PCSK5: variants seen among roughly 807,000 people sequenced by gnomAD.
PCSK5 encodes proprotein convertase subtilisin/kexin type 5.
Under a neutral mutation model 233.2 loss-of-function variants are expected in PCSK5, and 129 were observed. The observed-to-expected ratio is 0.55, with a 90% CI of 0.48 to 0.64. PCSK5 has a LOEUF of 0.64. Ranked by LOEUF, PCSK5 falls within the 30% of genes least tolerant of loss-of-function variation. The pLI is 0.00. For synonymous variants in PCSK5, 825 were observed against 879.2 expected, an observed-to-expected ratio of 0.94 and a Z score of 1.09; for missense variants, 2,076 against 2,430.1, an observed-to-expected ratio of 0.85 and a Z score of 3.06.
chr9:76,061,596 A>G (rs1428910414), intron 5 of PCSK5, among the ~76,000 whole-genome samples: 1 of 152,214 alleles, frequency 6.6e-6, no homozygotes, highest in Non-Finnish European at 1.5e-5. Context: ...TAATTGCTAG[A>G]TTTGGGGGAA....
At chr9:76,211,936 T>G (rs886637942) in intron 20 of PCSK5, among the ~76,000 whole-genome samples, 1 of 152,186 alleles carries the variant, frequency 6.6e-6, no homozygotes, top group Non-Finnish European at 1.5e-5. Context: ...CCATGAGCAT[T>G]CACCCCCAGC....
At chr9:75,955,558 A>T (rs990736293) in intron 2 of PCSK5, among the ~76,000 whole-genome samples, 1 of 152,126 alleles carries the variant, frequency 6.6e-6, no homozygotes, top group Admixed American at 6.5e-5. Context: ...AGGAAGAAAA[A>T]TTACCACGAT....
At chr9:76,320,054 G>A (rs1281805017) in intron 30 of PCSK5, among the ~76,000 whole-genome samples, 3 of 152,124 alleles carry the variant, frequency 2.0e-5, no homozygotes, top group South Asian at 2.1e-4. Flanking sequence ...AAATATCGGC[G>A]TGCCCAGCCA....
chr9:76,287,357 G>T, intron 24 of PCSK5: 1 of 208,270 alleles, frequency 4.8e-6, no homozygotes, highest in African/African-American at 2.3e-5. Context: ...GCTTTCCCCA[G>T]CAGGCCAACT....
Position 76,175,080 on chromosome 9 carries a change from T to C in PCSK5, c.1851T>C (p.Tyr617=), listed in dbSNP as rs747863464. 9 of 1,614,098 alleles carry C rather than the reference T, an allele frequency of 5.6e-6. No individual in the cohort carries two copies. Among genetic ancestry groups the C allele is most frequent in the African/African-American group, 5.3e-5 (4 of 74,954 alleles). The change falls in exon 14 of 38, where the codon TAT becomes TAC. Residue 617 remains tyrosine (Y), a synonymous_variant. Transcript: ENST00000674117. ...TTCCGAAAGTGGAACGGTTCCGCTA[T>C]AGCCGAGTTGAAGACCCCACAGACG... ...NEFPKVERFR[Y]SRVEDPTDDY...
intron 26 of PCSK5, among the ~76,000 whole-genome samples, 180 bp from the exon 27 acceptor site, chr9:76,296,485 G>A (rs141423324): frequency 0.057 from 8,693 of 152,242 alleles, 283 homozygotes; most frequent in African/African-American, 0.064. Context: ...GGAGGATGCA[G>A]TGAGCCGAGA....
chr9:76,166,547 T>C (rs1823094524), intron 12 of PCSK5, among the ~76,000 whole-genome samples: 1 of 152,152 alleles, frequency 6.6e-6, no homozygotes, highest in Non-Finnish European at 1.5e-5. Flanking sequence ...TTGGCTGAGG[T>C]TGTGGAAACA....
At chr9:76,205,628 G>A (rs1825085195) in intron 20 of PCSK5, among the ~76,000 whole-genome samples, 1 of 152,182 alleles carries the variant, frequency 6.6e-6, no homozygotes, top group African/African-American at 2.4e-5. Flanking sequence ...GAGAATTCCA[G>A]ATACAGGCAG....
chr9:76,344,798 G>A (rs368447476), intron 35 of PCSK5, among the ~76,000 whole-genome samples: 3 of 152,232 alleles, frequency 2.0e-5, no homozygotes, highest in African/African-American at 7.2e-5. Flanking sequence ...TGTGCAGTGG[G>A]CGGCGCAGTG....
In PCSK5 at chr9:75,913,376, T is replaced by A. The variant is rs117729241; in HGVS notation, c.193-19003T>A. Among the ~76,000 whole-genome samples, 456 of 152,344 alleles carry A rather than the reference T, an allele frequency of 3.0e-3. 1 individual carries two copies. Among genetic ancestry groups the A allele is most frequent in the Non-Finnish European group, 5.4e-3 (364 of 68,024 alleles). ...CATTTGCACTTGAGGTAGGGGATGA[T>A]CTTTACATAGCCACACATATATGAG... On this transcript the variant is annotated intron_variant, in intron 1 of 37. Coordinates refer to ENST00000674117, the MANE Select transcript of PCSK5 (RefSeq NM_001372043.1).
At chr9:76,245,565 T>C (rs1004382576) in intron 24 of PCSK5, among the ~76,000 whole-genome samples, 2 of 151,944 alleles carry the variant, frequency 1.3e-5, no homozygotes, top group Admixed American at 6.6e-5. Flanking sequence ...ATTTGGACAA[T>C]AGCAGGAAAA....
At chr9:76,247,044 G>A (rs1299809940) in intron 24 of PCSK5, among the ~76,000 whole-genome samples, 5 of 152,194 alleles carry the variant, frequency 3.3e-5, no homozygotes, top group Non-Finnish European at 5.9e-5. Context: ...GAAGAGAACC[G>A]TGGAACCCAG....
chr9:76,199,127 C>T (rs539065271), intron 20 of PCSK5, among the ~76,000 whole-genome samples: 10 of 152,264 alleles, frequency 6.6e-5, no homozygotes, highest in East Asian at 1.9e-4. Context: ...GTCTGAGAAA[C>T]GCATCCTTAG....
intron 24 of PCSK5, among the ~76,000 whole-genome samples, chr9:76,281,068 GA>G (rs1827848597): frequency 6.6e-6 from 1 of 152,208 alleles, no homozygotes; most frequent in South Asian, 2.1e-4. Context: ...GAGGCTTAAG[GA>G]AAGAAGCTGT....
At chr9:75,907,477 G>A (rs1237633272) in intron 1 of PCSK5, among the ~76,000 whole-genome samples, 1 of 152,154 alleles carries the variant, frequency 6.6e-6, no homozygotes, top group African/African-American at 2.4e-5. Context: ...GAAAGTCCAG[G>A]CTTCCTGGGA....
At chr9:75,968,792 T>C (rs114437083) in intron 2 of PCSK5, among the ~76,000 whole-genome samples, 362 of 152,334 alleles carry the variant, frequency 2.4e-3, no homozygotes, top group African/African-American at 8.5e-3. Context: ...TCATAAAGAC[T>C]CAAAAATTCT....
chr9:76,222,852 C>T (rs1052540838), intron 20 of PCSK5, among the ~76,000 whole-genome samples: 9 of 145,732 alleles, frequency 6.2e-5, no homozygotes, highest in South Asian at 4.5e-4. Flanking sequence ...TTATAGCTGG[C>T]GAAAAAAACA....
chr9:76,318,464 T>C (rs1465685478), intron 30 of PCSK5, among the ~76,000 whole-genome samples: 1 of 139,718 alleles, frequency 7.2e-6, no homozygotes, highest in African/African-American at 2.7e-5. Context: ...GAATTTAAAG[T>C]ATAAAAAAAA....
At chr9:75,973,673 AGCT>A (rs1277965548) in intron 2 of PCSK5, among the ~76,000 whole-genome samples, 1 of 152,168 alleles carries the variant, frequency 6.6e-6, no homozygotes, top group Non-Finnish European at 1.5e-5. Flanking sequence ...TCTGATACTG[AGCT>A]GCTAAGTATT....
Sources: gnomAD v4.1 joint callset for allele counts (sites outside exome capture counted in the v4.1 genomes callset) on GRCh38, gnomAD v4.1.1 for gene constraint, MANE v1.5 for transcripts, NCBI Gene and HGNC (gene_info 2026-07-23, HGNC 2026-07-21) for gene names.